The following UGT1A6 variants were observed in gnomAD, a reference collection of about 807,000 sequenced individuals.
UGT1A6 encodes the protein UDP glucuronosyltransferase family 1 member A6.
Under a neutral mutation model 44.4 loss-of-function variants are expected in UGT1A6, and 32 were observed. The ratio of observed to expected loss-of-function variants is 0.72; its 90% CI spans 0.54 to 0.97. UGT1A6 has a LOEUF of 0.97. UGT1A6 is among the 50% of genes least tolerant of loss of function. The probability of loss-of-function intolerance (pLI) is 0.00; values close to 1 mark genes in which losing one functional copy is unlikely to be tolerated. For synonymous variants in UGT1A6, 238 were observed against 248.5 expected (o/e 0.96, Z 0.40); for missense variants, 685 against 661.9 (o/e 1.03, Z -0.38).
intron 1 of UGT1A6, chr2:233,719,529 G>A (rs2076777765): frequency 6.2e-7 from 1 of 1,613,836 alleles, no homozygotes; most frequent in South Asian, 1.1e-5. Context: ...TCTTGCCTCT[G>A]AGCTTTTTCA....
At chr2:233,714,075 C>G (rs575529005) in intron 1 of UGT1A6, among the ~76,000 whole-genome samples, 1 of 152,080 alleles carries the variant, frequency 6.6e-6, no homozygotes, top group African/African-American at 2.4e-5. Context: ...GAGGCAGGGA[C>G]GAGGATCTGT....
intron 1 of UGT1A6, among the ~76,000 whole-genome samples, chr2:233,705,123 C>G (rs1488231635): frequency 7.7e-6 from 1 of 130,446 alleles, no homozygotes; most frequent in Non-Finnish European, 1.6e-5. Flanking sequence ...GGGACAAGAG[C>G]GAGACTTCGT....
chr2:233,736,583 G>C (rs1481937914), intron 1 of UGT1A6, among the ~76,000 whole-genome samples: 3 of 152,232 alleles, frequency 2.0e-5, no homozygotes, highest in Non-Finnish European at 4.4e-5. Context: ...CTTTGGAGGA[G>C]ATGTGCTTAT....
Position 233,769,206 on chromosome 2 carries a change from G to A in UGT1A6, c.1301+767G>A, listed in dbSNP as rs1699814631. 6.6e-6 allele frequency among the ~76,000 whole-genome samples: 1 copy of A among 152,206 alleles called. No homozygotes were observed. Among genetic ancestry groups the A allele is most frequent in the South Asian group, 2.1e-4 (1 of 4,832 alleles). On this transcript the variant is annotated intron_variant, in intron 4 of 4. Coordinates refer to ENST00000305139, the MANE Select transcript of UGT1A6 (RefSeq NM_001072.4). This position sits in a 1 kb window ranked among gnomAD's most constrained non-coding sequence, Gnocchi z 4.4. The stretch of plus-strand genomic sequence containing the variant: ...AATGAAGGAGCTATAAGATATCACA[G>A]ACAAAGTCTTAGAATAAGAGCAAAG...
At chr2:233,756,557 G>C (rs1264520005) in intron 1 of UGT1A6, among the ~76,000 whole-genome samples, 1 of 152,134 alleles carries the variant, frequency 6.6e-6, no homozygotes, top group Admixed American at 6.6e-5. Flanking sequence ...CAACCAGGGA[G>C]ATCCTCTCAG....
At chr2:233,737,433 A>G (rs1419343847) in intron 1 of UGT1A6, among the ~76,000 whole-genome samples, 1 of 152,146 alleles carries the variant, frequency 6.6e-6, no homozygotes, top group Non-Finnish European at 1.5e-5. Context: ...TTTGGGTGGG[A>G]GTGTCCCGTT....
chr2:233,742,026 T>C (rs1691848344), intron 1 of UGT1A6: 1 of 151,940 alleles, frequency 6.6e-6, no homozygotes, highest in South Asian at 2.1e-4. Flanking sequence ...CCTAATTTGA[T>C]ATGTCCCAAG....
intron 1 of UGT1A6, chr2:233,719,659 A>G: frequency 1.9e-6 from 3 of 1,614,092 alleles, no homozygotes; most frequent in South Asian, 1.1e-5. Context: ...GGGGGCATCA[A>G]CTGTGCCAAC....
Position 233,769,434 on chromosome 2 carries a change from T to C in UGT1A6, c.1301+995T>C, listed in dbSNP as rs999407687. 1.3e-5 allele frequency: 20 copies of C among 1,542,190 alleles called. No homozygotes were observed. Among genetic ancestry groups the C allele is most frequent in the Non-Finnish European group, 1.7e-5 (19 of 1,120,764 alleles). On this transcript the variant is annotated intron_variant, in intron 4 of 4. Coordinates refer to ENST00000305139, the MANE Select transcript of UGT1A6 (RefSeq NM_001072.4). This position sits in a 1 kb window ranked among gnomAD's most constrained non-coding sequence, Gnocchi z 4.4. ...GCGTTTGTGCATGTGGCTGTGCTCA[T>C]GTGTGGGTGCACACGTGTGCATTCA...
intron 1 of UGT1A6, among the ~76,000 whole-genome samples, chr2:233,701,290 G>C (rs1052682506): frequency 2.0e-5 from 3 of 151,970 alleles, no homozygotes; most frequent in Non-Finnish European, 4.4e-5. Context: ...TTGAGGAATC[G>C]CCACACTGTC....
intron 1 of UGT1A6, among the ~76,000 whole-genome samples, chr2:233,703,679 T>A (rs1325458220): frequency 1.3e-5 from 2 of 152,114 alleles, no homozygotes; most frequent in Non-Finnish European, 2.9e-5. Flanking sequence ...CATGATATAT[T>A]TTTTTTCCAC....
At chr2:233,750,930 T>C (rs542704180) in intron 1 of UGT1A6, among the ~76,000 whole-genome samples, 12 of 151,872 alleles carry the variant, frequency 7.9e-5, no homozygotes, top group Non-Finnish European at 1.5e-4. Context: ...AAATGTGAGG[T>C]TGGAGCCCCC....
intron 1 of UGT1A6, among the ~76,000 whole-genome samples, chr2:233,737,582 C>T (rs532884650): frequency 6.6e-6 from 1 of 152,312 alleles, no homozygotes; most frequent in Non-Finnish European, 1.5e-5. Context: ...CAACCAGTCC[C>T]AATGAGATGA....
At chr2:233,763,256 T>A (rs1698270689) in intron 1 of UGT1A6, among the ~76,000 whole-genome samples, 1 of 152,234 alleles carries the variant, frequency 6.6e-6, no homozygotes. Flanking sequence ...GTAACCTGTT[T>A]TGTCTTGTTG....
chr2:233,715,984 A>T (rs2076481106), intron 1 of UGT1A6, among the ~76,000 whole-genome samples: 1 of 152,170 alleles, frequency 6.6e-6, no homozygotes, highest in African/African-American at 2.4e-5. Context: ...TTGATTTAAA[A>T]CACAACAAAA....
intron 1 of UGT1A6, chr2:233,729,245 A>C (rs548939333): frequency 5.1e-5 from 82 of 1,614,188 alleles, no homozygotes; most frequent in South Asian, 2.9e-4. Context: ...GATGGCAGCC[A>C]CTGGCTCAGC....
At chr2:233,770,636 C>A (rs184236335) in intron 4 of UGT1A6, 1 of 149,556 alleles carries the variant, frequency 6.7e-6, no homozygotes, top group Non-Finnish European at 1.5e-5. Context: ...CCAGCCTGGG[C>A]GACAGAGTGA....
intron 1 of UGT1A6, among the ~76,000 whole-genome samples, chr2:233,697,004 C>T (rs761877638): frequency 1.3e-5 from 2 of 151,910 alleles, no homozygotes; most frequent in Non-Finnish European, 2.9e-5. Flanking sequence ...ATTTTTGCAT[C>T]TATGTTCGTC....
intron 1 of UGT1A6, among the ~76,000 whole-genome samples, chr2:233,738,023 C>T (rs1271674048): frequency 2.6e-5 from 4 of 151,816 alleles, no homozygotes. Context: ...AATTGTAATC[C>T]CCATAATCCC....
Sources: gnomAD v4.1 joint callset for allele counts (sites outside exome capture counted in the v4.1 genomes callset) on GRCh38, gnomAD v4.1.1 for gene constraint, Gnocchi (gnomAD v3.1) non-coding constraint, MANE v1.5 for transcripts, NCBI Gene and HGNC (gene_info 2026-07-23, HGNC 2026-07-21) for gene names.